The following SRGAP2 variants were observed in gnomAD, a reference collection of about 807,000 sequenced individuals.
SRGAP2 encodes SLIT-ROBO Rho GTPase activating protein 2, also known as SLIT-ROBO Rho GTPase-activating protein 2.
Under a neutral mutation model 57.2 loss-of-function variants are expected in SRGAP2, and 15 were observed. That is an observed-to-expected ratio of 0.26 (90% CI 0.18 to 0.40). The LOEUF (loss-of-function observed/expected upper bound fraction) is 0.40. Among genes scored for constraint, SRGAP2 ranks in the 10% least tolerant of loss-of-function variants. The probability of loss-of-function intolerance (pLI) is 1.00; values close to 1 mark genes in which losing one functional copy is unlikely to be tolerated. For synonymous variants in SRGAP2, 249 were observed against 248.0 expected (o/e 1.00, Z -0.04); for missense variants, 520 against 669.6 (o/e 0.78, Z 2.47).
rs782025061 is a variant in SRGAP2, at chr1:206,430,206, G to C, written c.1539G>C (p.Arg513=). The change falls in exon 14 of 23, where the codon CGG becomes CGC. Residue 513 remains arginine, a synonymous_variant. Coordinates refer to ENST00000573034, the MANE Select transcript of SRGAP2 (RefSeq NM_015326.5). ...CTCTGGTGGTGGAAAGCTGTATCCGGTTTATCAGCAGACACGGTAAGCAGG... is the reference window on the plus strand; with the variant it reads ...CTCTGGTGGTGGAAAGCTGTATCCGCTTTATCAGCAGACACGGTAAGCAGG... ...AIPLVVESCI[R]FISRHGLQHE... 12 of 780,830 alleles carry C rather than the reference G, an allele frequency of 1.5e-5. 1 individual carries two copies. The Middle Eastern group carries it at 2.5e-3, about 161-fold the overall frequency. The allele number at this position is 780,830 out of a possible 1,614,324, so 48.4% of individuals were successfully genotyped here. A position where few individuals can be genotyped will look rare whatever the true frequency, so the allele number is the denominator to read the frequency against.
intron 20 of SRGAP2, 163 bp downstream of exon 20, chr1:206,453,543 C>T (rs1258075134): frequency 3.4e-5 from 13 of 377,342 alleles, no homozygotes; most frequent in African/African-American, 1.5e-4. Flanking sequence ...CCCCACCCCC[C>T]GCCCCACTCC....
At chr1:206,424,541 G>T (rs1180766480) in intron 13 of SRGAP2, among the ~76,000 whole-genome samples, 1 of 152,194 alleles carries the variant, frequency 6.6e-6, no homozygotes, top group Non-Finnish European at 1.5e-5. Context: ...TGTAATCCCA[G>T]CTACTCATGA....
chr1:206,340,216 A>G (rs560512718), intron 3 of SRGAP2, among the ~76,000 whole-genome samples: 4 of 146,704 alleles, frequency 2.7e-5, no homozygotes, highest in Non-Finnish European at 4.5e-5. Context: ...CCCTGGGGAT[A>G]TGTGCTCTGC....
chr1:206,355,808 A>G (rs1473183901), intron 4 of SRGAP2, among the ~76,000 whole-genome samples: 1 of 152,078 alleles, frequency 6.6e-6, no homozygotes, highest in Admixed American at 6.5e-5. Context: ...CTCTACTAAA[A>G]ATACAGAAAT....
At chr1:206,450,870 G>T (rs1232651596) in intron 19 of SRGAP2, among the ~76,000 whole-genome samples, 2 of 151,954 alleles carry the variant, frequency 1.3e-5, no homozygotes, top group East Asian at 3.9e-4. Flanking sequence ...TCCCAGCACT[G>T]GGAGGCCCAG....
intron 4 of SRGAP2, among the ~76,000 whole-genome samples, chr1:206,360,678 C>T (rs1337666594): frequency 1.3e-5 from 2 of 152,150 alleles, no homozygotes; most frequent in African/African-American, 4.8e-5. Flanking sequence ...GAAGATGACC[C>T]CAAGCATTCT....
intron 3 of SRGAP2, among the ~76,000 whole-genome samples, chr1:206,319,291 G>A (rs1412760228): frequency 2.7e-5 from 4 of 148,064 alleles, no homozygotes; most frequent in Non-Finnish European, 5.9e-5. Context: ...GGTGCCTGTC[G>A]TCCCACCTAC....
intron 4 of SRGAP2, among the ~76,000 whole-genome samples, chr1:206,375,776 T>A (rs1387916238): frequency 6.6e-6 from 1 of 152,118 alleles, no homozygotes; most frequent in African/African-American, 2.4e-5. Flanking sequence ...AAGTGAGCTT[T>A]GTTAGTGAGC....
At chr1:206,422,972 A>G (rs544266570) in intron 13 of SRGAP2, among the ~76,000 whole-genome samples, 1 of 152,252 alleles carries the variant, frequency 6.6e-6, no homozygotes, top group Non-Finnish European at 1.5e-5. Context: ...AATAGATAGT[A>G]AGTTACTTGG....
chr1:206,329,777 C>T (rs1355971798), intron 3 of SRGAP2, among the ~76,000 whole-genome samples: 11 of 145,080 alleles, frequency 7.6e-5, no homozygotes, highest in Non-Finnish European at 1.5e-4. Context: ...TTCCTCTTTT[C>T]CTAATTGAAT....
intron 11 of SRGAP2, among the ~76,000 whole-genome samples, chr1:206,417,810 G>A (rs1244242743): frequency 1.3e-5 from 2 of 151,972 alleles, no homozygotes; most frequent in Non-Finnish European, 2.9e-5. Context: ...AAAGGACTCA[G>A]ACTAAACAAG....
In SRGAP2 at chr1:206,461,384, T is replaced by C. The variant is rs1275814067; in HGVS notation, c.3180T>C (p.Thr1060=). 1.3e-6 allele frequency: 1 copy of C among 780,104 alleles called. No individual in the cohort carries two copies. Among genetic ancestry groups the C allele is most frequent in the African/African-American group, 1.7e-5 (1 of 59,156 alleles). 48.3% of individuals were successfully genotyped at this position (780,104 alleles called of 1,614,324 possible). The change falls in exon 23 of 23, where the codon ACT becomes ACC. Residue 1060 remains threonine, a synonymous_variant. Coordinates refer to ENST00000573034, the MANE Select transcript of SRGAP2 (RefSeq NM_015326.5). ...CTAGCCCTGGTGTCAACTCATCAAC[T>C]TCCCCACAGTCTACTGACAAGTCTT... The part of the protein sequence containing the change: ...NATSPGVNSS[T]SPQSTDKSCT...
intron 8 of SRGAP2, among the ~76,000 whole-genome samples, chr1:206,402,461 T>A (rs1196187140): frequency 6.6e-6 from 1 of 152,248 alleles, no homozygotes; most frequent in African/African-American, 2.4e-5. Context: ...AGAGTGAACC[T>A]CATTCCTGTG....
intron 22 of SRGAP2, 79 bp downstream of exon 22, chr1:206,459,026 G>C (rs766362101): frequency 2.3e-4 from 147 of 641,270 alleles, no homozygotes; most frequent in Non-Finnish European, 3.6e-4. Context: ...AATTATGACA[G>C]GACTTGAAAC....
At chr1:206,267,126 G>A (rs1304223001) in intron 2 of SRGAP2, among the ~76,000 whole-genome samples, 3 of 151,784 alleles carry the variant, frequency 2.0e-5, no homozygotes, top group Admixed American at 6.6e-5. Context: ...CCACCACCAC[G>A]CCGGGCTAAT....
At chr1:206,402,150 A>G (rs1658251633) in intron 8 of SRGAP2, among the ~76,000 whole-genome samples, 2 of 152,130 alleles carry the variant, frequency 1.3e-5, no homozygotes, top group Admixed American at 1.3e-4. Context: ...CATTTGGCAG[A>G]GTTCTGAATA....
intron 10 of SRGAP2, chr1:206,407,921 CAA>C (rs1379734633): frequency 6.6e-6 from 1 of 151,242 alleles, no homozygotes; most frequent in Non-Finnish European, 1.5e-5. Context: ...AAAACCTATA[CAA>C]AAAAATAATA....
At chr1:206,262,842 G>A (rs1188389929) in intron 2 of SRGAP2, among the ~76,000 whole-genome samples, 1 of 121,946 alleles carries the variant, frequency 8.2e-6, no homozygotes, top group Non-Finnish European at 1.7e-5. Context: ...ATAAATGTAT[G>A]AATGGGATTT....
chr1:206,328,076 C>A (rs1489497686), intron 3 of SRGAP2, among the ~76,000 whole-genome samples: 1 of 133,264 alleles, frequency 7.5e-6, no homozygotes, highest in Admixed American at 7.3e-5. Context: ...TTTGTTCTTG[C>A]GATAGTTTAG....
Sources: gnomAD v4.1 joint callset for allele counts (sites outside exome capture counted in the v4.1 genomes callset) on GRCh38, gnomAD v4.1.1 for gene constraint, MANE v1.5 for transcripts, NCBI Gene and HGNC (gene_info 2026-07-23, HGNC 2026-07-21) for gene names.